BMPR1A: variants seen among roughly 807,000 people sequenced by gnomAD.
The protein encoded by BMPR1A is bone morphogenetic protein receptor type 1A.
In BMPR1A, 7 loss-of-function variants were observed where a neutral mutation model predicts 66.0. The ratio of observed to expected loss-of-function variants is 0.11; its 90% CI spans 0.06 to 0.20. The LOEUF is 0.20. Ranked by LOEUF, BMPR1A falls within the 10% of genes least tolerant of loss-of-function variation. The pLI is 1.00. For synonymous variants in BMPR1A, 200 were observed against 229.7 expected, an observed-to-expected ratio of 0.87 and a Z score of 1.17; for missense variants, 408 against 669.1, an observed-to-expected ratio of 0.61 and a Z score of 4.31.
chr10:86,858,677 T>A (rs1842676642), intron 2 of BMPR1A, among the ~76,000 whole-genome samples: 1 of 151,998 alleles, frequency 6.6e-6, no homozygotes, highest in African/African-American at 2.4e-5. Flanking sequence ...AAGAGAGTAA[T>A]CCATTTACAA....
intron 1 of BMPR1A, among the ~76,000 whole-genome samples, chr10:86,777,784 C>G (rs1334876011): frequency 6.6e-6 from 1 of 151,930 alleles, no homozygotes; most frequent in East Asian, 1.9e-4. Context: ...AAGGCTGAGG[C>G]AGGTGGATCA....
intron 1 of BMPR1A, among the ~76,000 whole-genome samples, chr10:86,787,891 C>CT (rs1554878527): frequency 6.6e-6 from 1 of 151,930 alleles, no homozygotes; most frequent in African/African-American, 2.4e-5. Flanking sequence ...TGCCCCCCCC[C>CT]ATAATCCAAT....
chr10:86,760,195 T>TTG (rs1554875565), intron 1 of BMPR1A, among the ~76,000 whole-genome samples: 6 of 148,566 alleles, frequency 4.0e-5, no homozygotes, highest in African/African-American at 1.2e-4. Context: ...CCTGTTTTTT[T>TTG]TTTTTTTTTT....
chr10:86,830,163 C>G (rs1029307172), intron 1 of BMPR1A, among the ~76,000 whole-genome samples: 6 of 152,168 alleles, frequency 3.9e-5, no homozygotes, highest in Non-Finnish European at 5.9e-5. Context: ...TCTGCCTAAA[C>G]TGACCGTAAC....
intron 3 of BMPR1A, among the ~76,000 whole-genome samples, chr10:86,885,970 G>C (rs913342796): frequency 1.2e-4 from 18 of 152,186 alleles, no homozygotes; most frequent in Non-Finnish European, 2.1e-4. Context: ...GTATGGTCAT[G>C]TGTCTCTTGT....
At chr10:86,760,185 C>T (rs1475163331) in intron 1 of BMPR1A, among the ~76,000 whole-genome samples, 1 of 82,834 alleles carries the variant, frequency 1.2e-5, no homozygotes, top group Non-Finnish European at 2.5e-5. Flanking sequence ...CTCAGATTTA[C>T]CTGTTTTTTT....
rs530521551 is a variant in BMPR1A at position 86,795,952 on chromosome 10, T to C, written c.-268+39033T>C. On this transcript the variant is annotated intron_variant, in intron 1 of 12. Coordinates refer to ENST00000372037, the MANE Select transcript of BMPR1A (RefSeq NM_004329.3). ...TATTTTGAGGGGAAAAAAATAACTT[T>C]CTTGGCACAAAATGGCCATGAATTA... 5.6e-4 allele frequency among the ~76,000 whole-genome samples: 85 copies of C among 152,306 alleles called. 1 individual carries two copies. In the South Asian group the frequency reaches 0.017, roughly 31 times the overall value.
chr10:86,875,372 CAAATA>C (rs4029464), intron 2 of BMPR1A, among the ~76,000 whole-genome samples: 1 of 151,726 alleles, frequency 6.6e-6, no homozygotes, highest in African/African-American at 2.4e-5. Flanking sequence ...AACTCTGTCT[CAAATA>C]AAATAAAATA....
intron 7 of BMPR1A, among the ~76,000 whole-genome samples, chr10:86,904,881 T>C (rs571692423): frequency 6.6e-6 from 1 of 152,350 alleles, no homozygotes; most frequent in South Asian, 2.1e-4. Flanking sequence ...CCCTGTTTAT[T>C]TAGCTTTAGA....
intron 5 of BMPR1A, among the ~76,000 whole-genome samples, chr10:86,893,795 AAAAAG>A (rs970648409): frequency 1.1e-4 from 17 of 152,130 alleles, no homozygotes; most frequent in Admixed American, 3.3e-4. Flanking sequence ...CTCAAAAAAA[AAAAAG>A]AAAAGAAATT....
At chr10:86,848,657 T>C (rs1842520711) in intron 2 of BMPR1A, among the ~76,000 whole-genome samples, 1 of 152,242 alleles carries the variant, frequency 6.6e-6, no homozygotes, top group Non-Finnish European at 1.5e-5. Context: ...CATAATATTC[T>C]TCTATTTTTA....
intron 1 of BMPR1A, among the ~76,000 whole-genome samples, chr10:86,779,322 T>C (rs192051856): frequency 6.6e-6 from 1 of 152,336 alleles, no homozygotes; most frequent in East Asian, 1.9e-4. Context: ...TACTGTTCTG[T>C]CTTGTGGCTG....
intron 7 of BMPR1A, among the ~76,000 whole-genome samples, chr10:86,902,858 G>A (rs1400285643): frequency 1.3e-5 from 2 of 152,016 alleles, no homozygotes; most frequent in Non-Finnish European, 2.9e-5. Context: ...TGAAATGATT[G>A]AGAAAACAGT....
chr10:86,823,458 G>A (rs561959850), intron 1 of BMPR1A, among the ~76,000 whole-genome samples: 3 of 152,300 alleles, frequency 2.0e-5, no homozygotes, highest in Non-Finnish European at 4.4e-5. Flanking sequence ...TCTAACCTTG[G>A]TATTCAGTCT....
intron 1 of BMPR1A, among the ~76,000 whole-genome samples, chr10:86,760,240 C>CTTTTTTTTTTTT (rs1841025806): frequency 5.7e-5 from 1 of 17,492 alleles, no homozygotes; most frequent in Non-Finnish European, 1.0e-4. Context: ...TTCTTTCTTT[C>CTTTTTTTTTTTT]TTTCTTTCTT....
chr10:86,876,299 C>T (rs1457660267), intron 3 of BMPR1A, among the ~76,000 whole-genome samples: 3 of 152,150 alleles, frequency 2.0e-5, no homozygotes, highest in Non-Finnish European at 4.4e-5. Flanking sequence ...CAGTCTGAGT[C>T]TGTCTTCTCC....
intron 2 of BMPR1A, among the ~76,000 whole-genome samples, chr10:86,860,220 GA>G (rs760182425): frequency 2.6e-5 from 4 of 152,002 alleles, no homozygotes; most frequent in Non-Finnish European, 5.9e-5. Context: ...TAAAACACTA[GA>G]TAACAATGAA....
rs372952306 is a variant in BMPR1A, at chr10:86,783,103, C to T, written c.-268+26184C>T. Among the ~76,000 whole-genome samples the T allele has an allele frequency of 3.3e-5, 5 of 152,240 alleles. No homozygotes were observed. In the East Asian group the frequency reaches 7.7e-4, roughly 24 times the overall value. ...GTTGCATGTGGACATCCAGTTTTTC[C>T]AGCACTATTTGTTGAAGAGATTATT... On this transcript the variant is annotated intron_variant, in intron 1 of 12. Coordinates refer to ENST00000372037, the MANE Select transcript of BMPR1A (RefSeq NM_004329.3).
chr10:86,755,914 C>G (rs1282220103), upstream of BMPR1A: 3 of 152,116 alleles, frequency 2.0e-5, no homozygotes, highest in Non-Finnish European at 4.4e-5. Flanking sequence ...CATCACCCTG[C>G]CTGCGCCTCG....
Sources: allele counts gnomAD v4.1 joint callset (sites outside exome capture counted in the v4.1 genomes callset), GRCh38; gene constraint gnomAD v4.1.1; transcripts MANE v1.5; gene names NCBI Gene and HGNC (gene_info 2026-07-23, HGNC 2026-07-21).